FCER1A: variants seen among roughly 807,000 people sequenced by gnomAD.
FCER1A encodes the protein high affinity immunoglobulin epsilon receptor subunit alpha.
In FCER1A, 24 loss-of-function variants were observed where a neutral mutation model predicts 23.6. The ratio of observed to expected loss-of-function variants is 1.02; its 90% CI spans 0.74 to 1.43. The LOEUF (loss-of-function observed/expected upper bound fraction) is 1.43. Among genes scored for constraint, FCER1A ranks in the 40% most tolerant of loss-of-function variants. FCER1A has a pLI of 0.00. For missense variants in FCER1A, 318 were observed against 294.5 expected (o/e 1.08, Z -0.58); for synonymous variants, 121 against 108.8 (o/e 1.11, Z -0.70).
At chr1:159,291,680 A>G (rs1466267575) in intron 1 of FCER1A, among the ~76,000 whole-genome samples, 1 of 152,086 alleles carries the variant, frequency 6.6e-6, no homozygotes, top group Non-Finnish European at 1.5e-5. Flanking sequence ...AACAAATACA[A>G]TCCAGCATCT....
intron 1 of FCER1A, among the ~76,000 whole-genome samples, chr1:159,296,705 G>C (rs1385649244): frequency 6.6e-6 from 1 of 152,182 alleles, no homozygotes. Context: ...CTTCAGTATT[G>C]CAGGGCATTT....
At chr1:159,290,774 G>A (rs1412223827) in intron 1 of FCER1A, among the ~76,000 whole-genome samples, 1 of 152,112 alleles carries the variant, frequency 6.6e-6, no homozygotes, top group Non-Finnish European at 1.5e-5. Flanking sequence ...AGTTACCTGT[G>A]CTTATATTTT....
the FCER1A span, among the ~76,000 whole-genome samples, chr1:159,284,355 G>A: frequency 6.6e-6 from 1 of 152,198 alleles, no homozygotes; most frequent in Admixed American, 6.5e-5. Flanking sequence ...TCCTGCTGGA[G>A]GGGGAATGAA....
intron 1 of FCER1A, among the ~76,000 whole-genome samples, chr1:159,293,477 T>A (rs1652211696): frequency 6.6e-6 from 1 of 151,674 alleles, no homozygotes; most frequent in Admixed American, 6.6e-5. Context: ...TGTGACATGC[T>A]GGTGTGCCGC....
intron 2 of FCER1A, 106 bp from the exon 3 acceptor site, chr1:159,303,822 A>C (rs2102230655): frequency 1.2e-6 from 1 of 827,218 alleles, no homozygotes; most frequent in Admixed American, 2.5e-5. Context: ...GGACAGGTTG[A>C]CCACTGATTG....
At position 159,302,839 on chromosome 1, in the gene FCER1A, T is replaced by G. The variant is rs1163006596; in HGVS notation, c.56-15T>G. The G allele has an allele frequency of 1.9e-6, 3 of 1,613,308 alleles. No homozygotes were observed. The highest frequency in any genetic ancestry group is 2.5e-6 in the Non-Finnish European group (3 of 1,179,302). ...GACTGCTGGACACTAATGTATCCTC[T>G]CTGGACTTTTGCAGCTCCAGATGGC... On this transcript the variant is annotated splice_polypyrimidine_tract_variant and intron_variant, in intron 1 of 4. Coordinates refer to ENST00000693622, the MANE Select transcript of FCER1A (RefSeq NM_001387280.1).
At chr1:159,307,090 T>C (rs1321642188) in intron 4 of FCER1A, among the ~76,000 whole-genome samples, 2 of 152,186 alleles carry the variant, frequency 1.3e-5, no homozygotes, top group Non-Finnish European at 2.9e-5. Context: ...TCTCATTTCT[T>C]GAGATTCTGA....
intron 1 of FCER1A, among the ~76,000 whole-genome samples, chr1:159,293,522 T>C (rs943063293): frequency 6.7e-6 from 1 of 149,498 alleles, no homozygotes; most frequent in Non-Finnish European, 1.5e-5. Flanking sequence ...TAGGTATATC[T>C]CCTAAAGCTA....
intron 1 of FCER1A, among the ~76,000 whole-genome samples, chr1:159,290,852 A>G (rs1268948794): frequency 7.8e-6 from 1 of 128,674 alleles, no homozygotes; most frequent in Non-Finnish European, 1.6e-5. Flanking sequence ...TAATAAAGTC[A>G]TTGTGGTTTG....
At chr1:159,287,883 T>C (rs886657967), upstream of FCER1A, among the ~76,000 whole-genome samples, 20 of 151,704 alleles carry the variant, frequency 1.3e-4, no homozygotes, top group Non-Finnish European at 4.4e-5. Context: ...AATGAATTAA[T>C]TGCTCATTTG....
At chr1:159,291,100 C>G (rs1571074821) in intron 1 of FCER1A, among the ~76,000 whole-genome samples, 1 of 152,098 alleles carries the variant, frequency 6.6e-6, no homozygotes, top group Non-Finnish European at 1.5e-5. Context: ...TACCAAGGAA[C>G]AGCTAACACA....
upstream of FCER1A, among the ~76,000 whole-genome samples, chr1:159,301,632 C>T (rs1462411013): frequency 6.6e-6 from 1 of 152,146 alleles, no homozygotes; most frequent in Non-Finnish European, 1.5e-5. Context: ...ATCAGTGAAT[C>T]AGATGAAAAT....
upstream of FCER1A, among the ~76,000 whole-genome samples, chr1:159,285,500 T>A (rs1474745043): frequency 1.3e-5 from 2 of 151,798 alleles, no homozygotes; most frequent in African/African-American, 4.8e-5. Context: ...ACCTGTAATA[T>A]AGTATATTAA....
chr1:159,283,863 C>A, the FCER1A span, among the ~76,000 whole-genome samples: 1 of 152,134 alleles, frequency 6.6e-6, no homozygotes. Context: ...CTCCTGAGAT[C>A]ATCCTTTTGA....
intron 1 of FCER1A, among the ~76,000 whole-genome samples, chr1:159,295,097 T>A (rs1020222299): frequency 2.6e-5 from 4 of 152,310 alleles, no homozygotes; most frequent in African/African-American, 7.2e-5. Flanking sequence ...ATACAAAAAA[T>A]TATTTATTTT....
chr1:159,302,388 T>TA lies in FCER1A; in HGVS notation c.25dup (p.Thr9AsnfsTer23). The TA allele has an allele frequency of 6.2e-7, 1 of 1,611,368 alleles. No homozygotes were observed. Among genetic ancestry groups the TA allele is most frequent in the African/African-American group, 1.3e-5 (1 of 74,986 alleles). ...AGATGGCTCCTGCCATGGAATCCCC[T>TA]ACTCTACTGTGTGTAGCCTTACTGT... On this transcript the variant is annotated frameshift_variant, in exon 1 of 5. Coordinates refer to ENST00000693622, the MANE Select transcript of FCER1A (RefSeq NM_001387280.1). LOFTEE classifies it high-confidence loss of function.
At chr1:159,286,479 CCCG>C (rs1652020460), upstream of FCER1A, among the ~76,000 whole-genome samples, 1 of 151,880 alleles carries the variant, frequency 6.6e-6, no homozygotes, top group Non-Finnish European at 1.5e-5. Flanking sequence ...ACTACAGGCG[CCCG>C]CCACCACGCC....
chr1:159,294,801 C>T (rs1423877126), intron 1 of FCER1A, among the ~76,000 whole-genome samples: 1 of 152,100 alleles, frequency 6.6e-6, no homozygotes, highest in Non-Finnish European at 1.5e-5. Context: ...ATATTTAAGC[C>T]ATTTCTTTAT....
At chr1:159,286,496 C>G (rs1652021523), upstream of FCER1A, among the ~76,000 whole-genome samples, 1 of 151,966 alleles carries the variant, frequency 6.6e-6, no homozygotes, top group South Asian at 2.1e-4. Context: ...CCACGCCCGG[C>G]TAATTTTTTG....
Sources: gnomAD v4.1 joint callset for allele counts (sites outside exome capture counted in the v4.1 genomes callset) on GRCh38, gnomAD v4.1.1 for gene constraint, MANE v1.5 for transcripts, NCBI Gene and HGNC (gene_info 2026-07-23, HGNC 2026-07-21) for gene names.